The following TPT1 variants were observed in gnomAD, a reference collection of about 807,000 sequenced individuals.
The protein encoded by TPT1 is tumor protein, translationally-controlled 1.
Under a neutral mutation model 22.8 loss-of-function variants are expected in TPT1, and 5 were observed. The ratio of observed to expected loss-of-function variants is 0.22; its 90% CI spans 0.11 to 0.46. TPT1 has a LOEUF of 0.46. Ranked by LOEUF, TPT1 falls within the 20% of genes least tolerant of loss-of-function variation. TPT1 has a pLI of 0.99. For synonymous variants in TPT1, 89 were observed against 73.6 expected, an observed-to-expected ratio of 1.21 and a Z score of -1.07; for missense variants, 130 against 218.7, an observed-to-expected ratio of 0.59 and a Z score of 2.56.
At chr13:45,338,594 A>G (rs1389773034) in intron 5 of TPT1, 66 bp downstream of exon 5, 1 of 1,580,014 alleles carries the variant, frequency 6.3e-7, no homozygotes, top group Admixed American at 1.9e-5. Context: ...GTCACAAAAC[A>G]ATTGCAAATC....
intron 4 of TPT1, 80 bp from the exon 5 acceptor site, chr13:45,338,856 G>C: frequency 8.1e-7 from 1 of 1,233,228 alleles, no homozygotes; most frequent in Non-Finnish European, 1.1e-6. Flanking sequence ...CAGTACAAGG[G>C]AAGGTTTAGA....
chr13:45,336,656 A>G lies in TPT1; in HGVS notation c.*730T>C, dbSNP rs1023386417. Reference sequence around the variant, plus strand: ...AAATGAATAAGCATAGCCACGTTCCAATAAAACTGGACTCGAACTTAAATT... The same window carrying G: ...AAATGAATAAGCATAGCCACGTTCCGATAAAACTGGACTCGAACTTAAATT... On this transcript the variant is annotated 3_prime_UTR_variant, in exon 6 of 6. Coordinates refer to ENST00000530705, the MANE Select transcript of TPT1 (RefSeq NM_003295.4). 1.3e-5 allele frequency: 2 copies of G among 152,324 alleles called. No homozygotes were observed. Among genetic ancestry groups the G allele is most frequent in the African/African-American group, 4.8e-5 (2 of 41,458 alleles). 9.4% of individuals were successfully genotyped at this position (152,324 alleles called of 1,614,324 possible).
rs529904857 is a variant in TPT1 at position 45,336,485 on chromosome 13, T to C, written c.*901A>G. ...ACACCCCATCTTTTCAGATACAATA[T>C]AGAGAACATTTTTACCCCTTTGCCC... is the stretch of plus-strand genomic sequence containing the variant. On this transcript the variant is annotated 3_prime_UTR_variant, in exon 6 of 6. Coordinates refer to ENST00000530705, the MANE Select transcript of TPT1 (RefSeq NM_003295.4). 2.0e-5 allele frequency: 3 copies of C among 152,138 alleles called. No homozygotes were observed. Among genetic ancestry groups the C allele is most frequent in the Non-Finnish European group, 4.4e-5 (3 of 68,036 alleles). The allele number at this position is 152,138 out of a possible 1,614,324, so 9.4% of individuals were successfully genotyped here.
chr13:45,341,115 C>T lies in TPT1; in HGVS notation c.-46G>A. ...GACGACGGCGCTAGCTTAGCACGAG[C>T]CTGAAACTCGGAGCGAGCGCGGTGC... On this transcript the variant is annotated 5_prime_UTR_variant, in exon 1 of 6. Transcript: ENST00000530705. The T allele has an allele frequency of 6.2e-7, 1 of 1,609,184 alleles. No homozygotes were observed. The highest frequency in any genetic ancestry group is 8.5e-7 in the Non-Finnish European group (1 of 1,177,778).
chr13:45,334,626 C>T lies in TPT1; in HGVS notation c.*2760G>A, dbSNP rs1404911136. ...TTGTCTCTATCTTCATTTCCTACCA[C>T]CTCAGTCTACTACCCTAGACTAAGC... is the stretch of plus-strand genomic sequence containing the variant. On this transcript the variant is annotated 3_prime_UTR_variant, in exon 6 of 6. Coordinates refer to ENST00000530705, the MANE Select transcript of TPT1 (RefSeq NM_003295.4). The T allele has an allele frequency of 2.0e-5, 3 of 152,216 alleles. No individual in the cohort carries two copies. The highest frequency in any genetic ancestry group is 4.4e-5 in the Non-Finnish European group (3 of 68,060). 9.4% of individuals were successfully genotyped at this position (152,216 alleles called of 1,614,324 possible).
chr13:45,339,182 C>T (rs192884156), intron 4 of TPT1: 25 of 316,024 alleles, frequency 7.9e-5, no homozygotes, highest in Non-Finnish European at 1.2e-5. Context: ...AAGCCACTGA[C>T]ATTTTCCAAA....
chr13:45,338,624 T>C (rs370044375), intron 5 of TPT1, 36 bp downstream of exon 5: 3 of 1,600,658 alleles, frequency 1.9e-6, no homozygotes, highest in African/African-American at 2.7e-5. Flanking sequence ...ATGTCTTTTT[T>C]ACATTATTTA....
rs939398728 is a variant in TPT1 at position 45,335,333 on chromosome 13, A to G, written c.*2053T>C. The G allele has an allele frequency of 4.7e-4, 71 of 152,206 alleles. No individual in the cohort carries two copies. The highest frequency in any genetic ancestry group is 1.6e-3 in the African/African-American group (66 of 41,450). 9.4% of individuals were successfully genotyped at this position (152,206 alleles called of 1,614,324 possible). ...CTTGATTGGATCTGGATGTTGGGAA[A>G]ACAGCTAAGAGCACTGAAAGGACAA... On this transcript the variant is annotated 3_prime_UTR_variant, in exon 6 of 6. Transcript: ENST00000530705.
chr13:45,340,827 C>G (rs750124055), intron 1 of TPT1, 42 bp from the exon 2 acceptor site: 11 of 1,494,598 alleles, frequency 7.4e-6, no homozygotes, highest in African/African-American at 7.1e-5. Context: ...GCGCCTGGCG[C>G]CGCCATTTCC....
Position 45,337,157 on chromosome 13 carries a change from C to T in TPT1, c.*229G>A, listed in dbSNP as rs1427431947. On this transcript the variant is annotated 3_prime_UTR_variant, in exon 6 of 6. Coordinates refer to ENST00000530705, the MANE Select transcript of TPT1 (RefSeq NM_003295.4). ...CAATTTAGTTTAAATATGCATTAAA[C>T]TAAAAGGCATTCTCTCAAATGAGTT... The T allele has an allele frequency of 8.5e-6, 5 of 590,934 alleles. No individual in the cohort carries two copies. The highest frequency in any genetic ancestry group is 1.5e-5 in the Non-Finnish European group (5 of 333,312). 36.6% of individuals were successfully genotyped at this position (590,934 alleles called of 1,614,324 possible). A position where few individuals can be genotyped will look rare whatever the true frequency, so the allele number is the denominator to read the frequency against.
chr13:45,340,174 C>T lies in TPT1; in HGVS notation c.113G>A (p.Arg38Lys). ...CLEVEGKMVS[R>K]TEGNIDDSLI... Reference sequence around the variant, plus strand: ...CGAGTCATCAATGTTACCTTCTGTCCTACTGACCATCTGCATTAAGAAAAA... The same window carrying T: ...CGAGTCATCAATGTTACCTTCTGTCTTACTGACCATCTGCATTAAGAAAAA... Residue 38 changes from arginine (R) to lysine (K), a missense_variant, in exon 3 of 6, where the codon AGG becomes AAG. Physicochemically the swap from Arg to Lys is conservative, Grantham distance 26 (BLOSUM62 2). Transcript: ENST00000530705. The T allele has an allele frequency of 1.9e-6, 3 of 1,610,616 alleles. No individual in the cohort carries two copies. Among genetic ancestry groups the T allele is most frequent in the Non-Finnish European group, 2.5e-6 (3 of 1,178,176 alleles).
intron 5 of TPT1, 51 bp from the exon 6 acceptor site, chr13:45,337,439 G>C (rs1046760379): frequency 6.2e-7 from 1 of 1,614,098 alleles, no homozygotes; most frequent in Non-Finnish European, 8.5e-7. Context: ...CACTGCAAAA[G>C]TTACATTACC....
chr13:45,340,451 G>T, intron 2 of TPT1: 1 of 738,228 alleles, frequency 1.4e-6, no homozygotes, highest in Non-Finnish European at 2.4e-6. Context: ...GTGGGGACAG[G>T]ACAAACACGA....
intron 4 of TPT1, 75 bp from the exon 5 acceptor site, chr13:45,338,851 C>G: frequency 7.8e-7 from 1 of 1,285,888 alleles, no homozygotes; most frequent in Non-Finnish European, 1.1e-6. Flanking sequence ...AACTACAGTA[C>G]AAGGGAAGGT....
At chr13:45,339,695 C>T (rs1168171020) in intron 3 of TPT1, 93 bp from the exon 4 acceptor site, 19 of 1,268,870 alleles carry the variant, frequency 1.5e-5, no homozygotes, top group Middle Eastern at 3.9e-4. Flanking sequence ...AAAAAGAAAA[C>T]ACTGAAAAAG....
rs1358473029 is a variant in TPT1 at position 45,334,544 on chromosome 13, TCA to T, written c.*2840_*2841del. ...TCAGTGCCAACTTTCTTCCAAACGC[TCA>T]GACCAAAATACTTGTATCAACATTA... On this transcript the variant is annotated 3_prime_UTR_variant, in exon 6 of 6. Coordinates refer to ENST00000530705, the MANE Select transcript of TPT1 (RefSeq NM_003295.4). 2.0e-5 allele frequency: 3 copies of T among 152,178 alleles called. No homozygotes were observed. Among genetic ancestry groups the T allele is most frequent in the Non-Finnish European group, 2.9e-5 (2 of 68,046 alleles). The allele number at this position is 152,178 out of a possible 1,614,324, so 9.4% of individuals were successfully genotyped here.
Position 45,340,178 on chromosome 13 carries a change from T to C in TPT1, c.109A>G (p.Ser37Gly). The change falls in exon 3 of 6, where the codon AGT becomes GGT. Residue 37 changes from serine (S) to glycine (G), a missense_variant. Ser to Gly is a moderately conservative substitution (Grantham distance 56). Transcript: ENST00000530705. ...LCLEVEGKMV[S>G]RTEGNIDDSL... ...TCATCAATGTTACCTTCTGTCCTAC[T>C]GACCATCTGCATTAAGAAAAAGCAG... The C allele has an allele frequency of 1.2e-6, 2 of 1,610,154 alleles. No individual in the cohort carries two copies.
chr13:45,337,832 G>A (rs1448167198), intron 5 of TPT1, among the ~76,000 whole-genome samples: 1 of 152,190 alleles, frequency 6.6e-6, no homozygotes, highest in Non-Finnish European at 1.5e-5. Flanking sequence ...TGAAAACTAG[G>A]ATAATGAATG....
chr13:45,340,798 C>G lies in TPT1; in HGVS notation c.29-13G>C, dbSNP rs747227765. On this transcript the variant is annotated splice_polypyrimidine_tract_variant and intron_variant, in intron 1 of 5. Transcript: ENST00000530705. ...AACATCTCATCGTCTGCCGGATACA[C>G]AGAGCCGCCCATCACCGTGCGCCTG... 3 of 1,513,734 alleles carry G rather than the reference C, an allele frequency of 2.0e-6. No individual in the cohort carries two copies. The highest frequency in any genetic ancestry group is 1.8e-4 in the Middle Eastern group (1 of 5,592). 93.8% of individuals were successfully genotyped at this position (1,513,734 alleles called of 1,614,324 possible).
Sources: gnomAD v4.1 joint callset for allele counts (sites outside exome capture counted in the v4.1 genomes callset) on GRCh38, gnomAD v4.1.1 for gene constraint, MANE v1.5 for transcripts, NCBI Gene and HGNC (gene_info 2026-07-23, HGNC 2026-07-21) for gene names.